Variants in CFAP70 observed in about 807,000 individuals in gnomAD.
The protein encoded by CFAP70 is cilia- and flagella-associated protein 70.
A neutral mutation model predicts 137.6 loss-of-function variants in CFAP70; 81 were observed. The ratio of observed to expected loss-of-function variants is 0.59; its 90% CI spans 0.49 to 0.71. The LOEUF is 0.71. CFAP70 is among the 30% of genes least tolerant of loss of function. The pLI is 0.00. For synonymous variants in CFAP70, 382 were observed against 423.6 expected (o/e 0.90, Z 1.20); for missense variants, 976 against 1,226.7 (o/e 0.80, Z 3.05).
At chr10:73,278,145 C>G (rs780906320) in intron 20 of CFAP70, 34 bp downstream of exon 21, 1 of 1,603,498 alleles carries the variant, frequency 6.2e-7, no homozygotes, top group Admixed American at 1.7e-5. Flanking sequence ...AGCTTATGCC[C>G]CTCTTCCAAG....
chr10:73,290,721 A>G (rs907927559), intron 19 of CFAP70, among the ~76,000 whole-genome samples: 3 of 152,324 alleles, frequency 2.0e-5, no homozygotes, highest in Middle Eastern at 3.4e-3. Context: ...TTTGAGAATC[A>G]TAAGAGAGGG....
At chr10:73,320,210 T>C (rs879933008) in intron 9 of CFAP70, among the ~76,000 whole-genome samples, 14 of 152,208 alleles carry the variant, frequency 9.2e-5, no homozygotes, top group Admixed American at 3.3e-4. Flanking sequence ...TCTTAATTCA[T>C]ATCTTTAATA....
intron 3 of CFAP70, among the ~76,000 whole-genome samples, chr10:73,351,782 T>C (rs866854474): frequency 9.2e-5 from 14 of 152,254 alleles, no homozygotes; most frequent in South Asian, 2.1e-4. Flanking sequence ...GAATGACTTA[T>C]GGTTTTAAGT....
At chr10:73,255,184 G>A (rs748895809) in intron 26 of CFAP70, among the ~76,000 whole-genome samples, 3 of 152,092 alleles carry the variant, frequency 2.0e-5, no homozygotes, top group Non-Finnish European at 4.4e-5. Flanking sequence ...GGATCACAAG[G>A]TCAGGAGATC....
intron 12 of CFAP70, among the ~76,000 whole-genome samples, chr10:73,309,813 T>C (rs1364006734): frequency 6.6e-6 from 1 of 151,856 alleles, no homozygotes; most frequent in Non-Finnish European, 1.5e-5. Flanking sequence ...CATGCCGCCA[T>C]GCCCGGCTAA....
chr10:73,311,127 C>T (rs1313680968), intron 11 of CFAP70, among the ~76,000 whole-genome samples: 2 of 152,196 alleles, frequency 1.3e-5, no homozygotes, highest in Admixed American at 6.6e-5. Context: ...TTAAATAAGC[C>T]TTTCAAGTCT....
intron 3 of CFAP70, among the ~76,000 whole-genome samples, 170 bp from the exon 4 acceptor site, chr10:73,348,691 A>G (rs1251820012): frequency 6.6e-6 from 1 of 152,216 alleles, no homozygotes; most frequent in Non-Finnish European, 1.5e-5. Context: ...GGACCACTTC[A>G]GTGACTTTTG....
At chr10:73,356,785 A>C (rs2054716138) in intron 1 of CFAP70, among the ~76,000 whole-genome samples, 1 of 152,186 alleles carries the variant, frequency 6.6e-6, no homozygotes, top group Non-Finnish European at 1.5e-5. Context: ...CTTTTCAATA[A>C]TATGGCATTA....
At chr10:73,317,168 C>A (rs899353000) in intron 9 of CFAP70, among the ~76,000 whole-genome samples, 1 of 152,134 alleles carries the variant, frequency 6.6e-6, no homozygotes, top group Non-Finnish European at 1.5e-5. Context: ...CAGGTGCACG[C>A]CACCATGCCC....
At chr10:73,262,770 A>G (rs2045386671) in intron 25 of CFAP70, among the ~76,000 whole-genome samples, 1 of 152,162 alleles carries the variant, frequency 6.6e-6, no homozygotes, top group African/African-American at 2.4e-5. Context: ...TCCCTGGGGA[A>G]CAAGGAGGGA....
chr10:73,273,054 A>C, intron 23 of CFAP70, 37 bp from the exon 25 acceptor site: 1 of 1,463,212 alleles, frequency 6.8e-7, no homozygotes, highest in Non-Finnish European at 9.4e-7. Context: ...ACTGTTCTAG[A>C]AGCTTCAAAC....
At chr10:73,349,281 TG>T (rs1279995404) in intron 3 of CFAP70, among the ~76,000 whole-genome samples, 2 of 152,062 alleles carry the variant, frequency 1.3e-5, no homozygotes, top group Non-Finnish European at 1.5e-5. Flanking sequence ...GGCTTATGCC[TG>T]TAATCCCAGC....
At chr10:73,301,791 G>C (rs990209055) in intron 12 of CFAP70, among the ~76,000 whole-genome samples, 1 of 152,122 alleles carries the variant, frequency 6.6e-6, no homozygotes, top group Admixed American at 6.6e-5. Flanking sequence ...CATCGGACAG[G>C]TAATATGATG....
At chr10:73,347,243 T>A (rs1316664167) in intron 4 of CFAP70, among the ~76,000 whole-genome samples, 6 of 152,150 alleles carry the variant, frequency 3.9e-5, no homozygotes, top group African/African-American at 7.2e-5. Flanking sequence ...CCTTAACTTG[T>A]AAGCAGTGGG....
rs754324145 is a variant in CFAP70 at position 73,322,951 on chromosome 10, A to AT, written c.912+11dup. ...AAATTACCATGATGATTTTTATGCA[A>AT]TTTTTTCTTACCTTTTCATGGACTA... On this transcript the variant is annotated intron_variant, in intron 9 of 26. Transcript: ENST00000310715. 2.0e-5 allele frequency: 31 copies of AT among 1,575,208 alleles called. No homozygotes were observed. In the African/African-American group the frequency reaches 3.2e-4, roughly 16 times the overall value.
At chr10:73,334,689 C>G (rs2052462541) in intron 7 of CFAP70, among the ~76,000 whole-genome samples, 2 of 151,464 alleles carry the variant, frequency 1.3e-5, no homozygotes, top group Non-Finnish European at 2.9e-5. Flanking sequence ...AAGCGATTCT[C>G]CTGCCTCAGC....
chr10:73,346,977 C>G (rs2053766341), intron 4 of CFAP70: 1 of 152,188 alleles, frequency 6.6e-6, no homozygotes, highest in Non-Finnish European at 1.5e-5. Context: ...TGACTGTTCA[C>G]AGTCAGTTAC....
chr10:73,326,822 C>G (rs1376610350), intron 8 of CFAP70, among the ~76,000 whole-genome samples: 1 of 151,928 alleles, frequency 6.6e-6, no homozygotes, highest in African/African-American at 2.4e-5. Flanking sequence ...CAATAACAGG[C>G]TCTGAAATTG....
chr10:73,335,030 G>A (rs569748813), intron 7 of CFAP70, among the ~76,000 whole-genome samples: 5 of 149,166 alleles, frequency 3.4e-5, no homozygotes, highest in South Asian at 2.1e-4. Flanking sequence ...CTACAGGTAC[G>A]TATCTGCACC....
Sources: gnomAD v4.1 joint callset for allele counts (sites outside exome capture counted in the v4.1 genomes callset) on GRCh38, gnomAD v4.1.1 for gene constraint, MANE v1.5 for transcripts, NCBI Gene and HGNC (gene_info 2026-07-23, HGNC 2026-07-21) for gene names.